TASP1: variants seen among roughly 807,000 people sequenced by gnomAD.
TASP1 encodes the protein threonine aspartase 1.
TASP1 carries 16 observed loss-of-function variants against 56.6 expected under a neutral mutation model. That is an observed-to-expected ratio of 0.28 (90% CI 0.19 to 0.43). The LOEUF (loss-of-function observed/expected upper bound fraction) is 0.43, where lower values mean the gene tolerates loss of function less well. Ranked by LOEUF, TASP1 falls within the 20% of genes least tolerant of loss-of-function variation. TASP1 has a pLI of 1.00. For synonymous variants in TASP1, 179 were observed against 184.2 expected (o/e 0.97, Z 0.23); for missense variants, 393 against 511.6 (o/e 0.77, Z 2.24).
At chr20:13,593,279 C>T (rs2047603077) in intron 4 of TASP1, among the ~76,000 whole-genome samples, 1 of 152,158 alleles carries the variant, frequency 6.6e-6, no homozygotes, top group South Asian at 2.1e-4. Context: ...TCTGCAGCTC[C>T]CAACATGACC....
At chr20:13,112,130 C>T in the TASP1 span, among the ~76,000 whole-genome samples, 3 of 152,332 alleles carry the variant, frequency 2.0e-5, no homozygotes, top group South Asian at 2.1e-4. Context: ...TTATTTCCCA[C>T]GCTACCGTGG....
At chr20:13,473,756 C>A (rs2044611898) in intron 11 of TASP1, among the ~76,000 whole-genome samples, 1 of 152,144 alleles carries the variant, frequency 6.6e-6, no homozygotes, top group Non-Finnish European at 1.5e-5. Context: ...CTCTTCAGCC[C>A]TTTCCTACTT....
the TASP1 span, among the ~76,000 whole-genome samples, chr20:13,104,866 G>A: frequency 4.3e-3 from 646 of 151,882 alleles, 3 homozygotes; most frequent in African/African-American, 0.015. Context: ...CTTTTGTTTG[G>A]GGAACTTTTT....
intron 11 of TASP1, among the ~76,000 whole-genome samples, chr20:13,472,547 A>G (rs1183535703): frequency 2.0e-5 from 3 of 151,122 alleles, no homozygotes; most frequent in Non-Finnish European, 4.4e-5. Context: ...GTGAACAGGC[A>G]ACCTACAGAA....
chr20:13,122,190 A>G, the TASP1 span, among the ~76,000 whole-genome samples: 1 of 152,220 alleles, frequency 6.6e-6, no homozygotes, highest in African/African-American at 2.4e-5. Flanking sequence ...GGTATCCACC[A>G]CTATGGATTT....
intron 1 of TASP1, among the ~76,000 whole-genome samples, chr20:13,636,415 C>G (rs1199978687): frequency 6.6e-6 from 1 of 151,494 alleles, no homozygotes; most frequent in African/African-American, 2.4e-5. Context: ...CTGCCTGGGC[C>G]TCCCAAAGTG....
intron 12 of TASP1, among the ~76,000 whole-genome samples, chr20:13,421,168 G>A (rs1477757952): frequency 3.4e-5 from 5 of 147,540 alleles, no homozygotes; most frequent in East Asian, 2.0e-4. Context: ...GCTGGAGTGC[G>A]GTGGCACAAT....
At chr20:13,438,699 A>C (rs2043103994) in intron 11 of TASP1, among the ~76,000 whole-genome samples, 1 of 152,210 alleles carries the variant, frequency 6.6e-6, no homozygotes, top group Non-Finnish European at 1.5e-5. Context: ...AAAAGAAACC[A>C]CCATCAGAGT....
At chr20:13,371,792 G>A in the TASP1 span, among the ~76,000 whole-genome samples, 3 of 152,120 alleles carry the variant, frequency 2.0e-5, no homozygotes, top group East Asian at 5.8e-4. Context: ...TTTTCCCCTC[G>A]ATCATGTCAG....
chr20:13,576,395 A>AAGAAAGTC (rs1555793620), intron 6 of TASP1, among the ~76,000 whole-genome samples: 12 of 142,422 alleles, frequency 8.4e-5, no homozygotes, highest in South Asian at 2.2e-4. Context: ...GAAAGAAAGA[A>AAGAAAGTC]AGTCAGTCTT....
At chr20:13,470,490 C>T (rs1176987050) in intron 11 of TASP1, among the ~76,000 whole-genome samples, 1 of 152,136 alleles carries the variant, frequency 6.6e-6, no homozygotes, top group African/African-American at 2.4e-5. Context: ...GCATTCTATA[C>T]ATTTTATAAA....
At chr20:13,600,844 G>T (rs887847574) in intron 4 of TASP1, among the ~76,000 whole-genome samples, 2 of 152,110 alleles carry the variant, frequency 1.3e-5, no homozygotes, top group Non-Finnish European at 1.5e-5. Flanking sequence ...TGCTCTGTCA[G>T]CTGAGAGGCC....
At chr20:13,206,176 G>A in the TASP1 span, among the ~76,000 whole-genome samples, 120 of 152,270 alleles carry the variant, frequency 7.9e-4, 1 homozygote, top group East Asian at 0.021. Flanking sequence ...TGTGGGTCTT[G>A]GTGGACTGGA....
chr20:13,315,300 G>A, the TASP1 span, among the ~76,000 whole-genome samples: 1 of 151,956 alleles, frequency 6.6e-6, no homozygotes, highest in Non-Finnish European at 1.5e-5. Context: ...TGTCTACAAG[G>A]AATCCACTTT....
At chr20:13,635,712 C>A (rs991562647) in intron 1 of TASP1, among the ~76,000 whole-genome samples, 2 of 152,066 alleles carry the variant, frequency 1.3e-5, no homozygotes, top group Admixed American at 1.3e-4. Flanking sequence ...TCATCTACTG[C>A]CAACCTTTCA....
chr20:13,387,183 C>CTTTTTTTTTTTTTTTTTTT (rs1568732036), downstream of TASP1, among the ~76,000 whole-genome samples: 4 of 94,950 alleles, frequency 4.2e-5, no homozygotes, highest in African/African-American at 2.0e-4. Flanking sequence ...GACATGATTT[C>CTTTTTTTTTTTTTTTTTTT]ATTTTTTTTT....
the TASP1 span, among the ~76,000 whole-genome samples, chr20:13,215,339 C>A: frequency 6.6e-6 from 1 of 152,056 alleles, no homozygotes; most frequent in African/African-American, 2.4e-5. Flanking sequence ...CTCTTTTTTG[C>A]CTGGAAATTA....
chr20:13,354,098 A>AT, the TASP1 span, among the ~76,000 whole-genome samples: 1 of 152,176 alleles, frequency 6.6e-6, no homozygotes, highest in Non-Finnish European at 1.5e-5. Context: ...AGGATAGCTC[A>AT]TTTTTTTGAA....
the TASP1 span, chr20:13,153,917 A>G: frequency 6.5e-7 from 1 of 1,549,894 alleles, no homozygotes; most frequent in African/African-American, 1.4e-5. Context: ...CTGCAGAAAG[A>G]CTTAAAGATG....
Sources: allele counts gnomAD v4.1 joint callset (sites outside exome capture counted in the v4.1 genomes callset), GRCh38; gene constraint gnomAD v4.1.1; transcripts MANE v1.5; gene names NCBI Gene and HGNC (gene_info 2026-07-23, HGNC 2026-07-21).